The following ESRRG variants were observed in gnomAD, a reference collection of about 807,000 sequenced individuals.
ESRRG encodes the protein estrogen related receptor gamma, also known as estrogen-related receptor gamma.
Under a neutral mutation model 44.0 loss-of-function variants are expected in ESRRG, and 13 were observed. That is an observed-to-expected ratio of 0.30 (90% CI 0.19 to 0.47). The LOEUF (loss-of-function observed/expected upper bound fraction) is 0.47. Among genes scored for constraint, ESRRG ranks in the 20% least tolerant of loss-of-function variants. The pLI is 1.00. For synonymous variants in ESRRG, 215 were observed against 214.6 expected, an observed-to-expected ratio of 1.00 and a Z score of -0.02; for missense variants, 395 against 580.6, an observed-to-expected ratio of 0.68 and a Z score of 3.29.
chr1:216,966,356 A>G (rs1403849031), intron 1 of ESRRG, among the ~76,000 whole-genome samples: 1 of 152,206 alleles, frequency 6.6e-6, no homozygotes, highest in Non-Finnish European at 1.5e-5. Flanking sequence ...TATACGTATG[A>G]ATTCTGATAC....
rs2072959958 is a variant in ESRRG, at chr1:216,663,129, TTAAG to T, written c.473-12044_473-12041del. 2.6e-5 allele frequency among the ~76,000 whole-genome samples: 4 copies of T among 152,300 alleles called. No individual in the cohort carries two copies. The South Asian group carries it at 8.3e-4, about 32-fold the overall frequency. On this transcript the variant is annotated intron_variant, in intron 2 of 6. Coordinates refer to ENST00000408911, the MANE Select transcript of ESRRG (RefSeq NM_001438.4). ...AAGAATGAGTTGGAAAACTTTTACT[TTAAG>T]TATCACAAAATTTGAAATTGTTTTC...
chr1:216,941,446 A>G (rs541043684), intron 1 of ESRRG, among the ~76,000 whole-genome samples: 1 of 152,248 alleles, frequency 6.6e-6, no homozygotes, highest in East Asian at 1.9e-4. Context: ...TCATACTCCC[A>G]TTTCTGAAAT....
At chr1:216,813,476 G>C (rs1367964946) in intron 2 of ESRRG, among the ~76,000 whole-genome samples, 1 of 152,126 alleles carries the variant, frequency 6.6e-6, no homozygotes, top group Non-Finnish European at 1.5e-5. Context: ...AGAGGATATC[G>C]AATCTGTATA....
chr1:216,891,258 T>A (rs2057753373), intron 2 of ESRRG, among the ~76,000 whole-genome samples: 1 of 152,242 alleles, frequency 6.6e-6, no homozygotes, highest in Admixed American at 6.5e-5. Flanking sequence ...ATTCTCTTAA[T>A]CCTTTTCATC....
chr1:216,862,003 T>C (rs913767730), intron 2 of ESRRG, among the ~76,000 whole-genome samples: 1 of 152,098 alleles, frequency 6.6e-6, no homozygotes, highest in Non-Finnish European at 1.5e-5. Flanking sequence ...CTACTACACA[T>C]CTATTAGAAT....
intron 2 of ESRRG, among the ~76,000 whole-genome samples, chr1:216,788,543 G>A (rs574559372): frequency 6.6e-6 from 1 of 152,220 alleles, no homozygotes; most frequent in African/African-American, 2.4e-5. Context: ...TGGTCACCCA[G>A]GAGGTCTGAT....
intron 3 of ESRRG, among the ~76,000 whole-genome samples, chr1:216,635,094 G>A (rs2065027323): frequency 6.6e-6 from 1 of 151,910 alleles, no homozygotes; most frequent in Non-Finnish European, 1.5e-5. Context: ...GAGAACTGTA[G>A]TACAGGCACA....
chr1:216,961,940 G>A (rs2069188731), intron 1 of ESRRG, among the ~76,000 whole-genome samples: 1 of 151,948 alleles, frequency 6.6e-6, no homozygotes, highest in Admixed American at 6.6e-5. Flanking sequence ...CACTTTAAAG[G>A]AATTTCCCAC....
At chr1:216,943,914 G>A (rs1267179960) in intron 1 of ESRRG, among the ~76,000 whole-genome samples, 1 of 152,138 alleles carries the variant, frequency 6.6e-6, no homozygotes, top group Non-Finnish European at 1.5e-5. Context: ...GCTACTGGAT[G>A]CTGGGGAGAT....
rs1030547686 is a variant in ESRRG, at chr1:217,051,207, G to T, written c.-106+38300C>A. 2.4e-4 allele frequency among the ~76,000 whole-genome samples: 31 copies of T among 127,386 alleles called. 2 individuals carry two copies. The highest frequency in any genetic ancestry group is 4.3e-4 in the African/African-American group (15 of 35,284). The allele number at this position is 127,386 out of a possible 152,430, so 83.6% of individuals were successfully genotyped here. On this transcript the variant is annotated intron_variant, in intron 1 of 7. Coordinates refer to the ESRRG transcript ENST00000359162. Reference sequence around the variant, plus strand: ...CAGAAGGAGTGGATAATGGGGGCGGGGGGGGGGGGTGCCAGGGGAATTGTA... The same window carrying T: ...CAGAAGGAGTGGATAATGGGGGCGGTGGGGGGGGGTGCCAGGGGAATTGTA...
At chr1:216,552,930 C>A (rs1339225956) in intron 5 of ESRRG, among the ~76,000 whole-genome samples, 1 of 152,090 alleles carries the variant, frequency 6.6e-6, no homozygotes, top group African/African-American at 2.4e-5. Flanking sequence ...AGAAACAAAG[C>A]TGAAAAATCT....
chr1:216,582,473 G>A (rs11572747), intron 3 of ESRRG, among the ~76,000 whole-genome samples: 21,819 of 152,012 alleles, frequency 0.14, 2,058 homozygotes, highest in Non-Finnish European at 0.21. Context: ...ACAGAGTCTT[G>A]CTCTGTCACC....
chr1:216,584,400 G>A (rs913612851), intron 3 of ESRRG, among the ~76,000 whole-genome samples: 3 of 151,860 alleles, frequency 2.0e-5, no homozygotes, highest in Non-Finnish European at 2.9e-5. Context: ...GGGACTACAG[G>A]CGCCCGCCAC....
At chr1:216,823,969 T>C (rs2095346268) in intron 2 of ESRRG, among the ~76,000 whole-genome samples, 1 of 152,166 alleles carries the variant, frequency 6.6e-6, no homozygotes. Flanking sequence ...AGCTCTACAG[T>C]ACTTGAGGGC....
At chr1:216,897,374 C>A (rs2058549954) in intron 2 of ESRRG, among the ~76,000 whole-genome samples, 1 of 152,150 alleles carries the variant, frequency 6.6e-6, no homozygotes, top group South Asian at 2.1e-4. Context: ...AGTCCTGAGC[C>A]ACCCTGAGAG....
At chr1:216,911,205 A>G (rs2060260060) in intron 2 of ESRRG, among the ~76,000 whole-genome samples, 1 of 152,222 alleles carries the variant, frequency 6.6e-6, no homozygotes, top group Admixed American at 6.5e-5. Context: ...TTTAATTGCC[A>G]AAACTTGAAA....
intron 1 of ESRRG, among the ~76,000 whole-genome samples, chr1:217,099,804 G>T (rs2092480640): frequency 6.6e-6 from 1 of 152,160 alleles, no homozygotes; most frequent in Non-Finnish European, 1.5e-5. Context: ...GCTTTTCTCT[G>T]TAAAGGTCAA....
At chr1:216,887,816 G>A (rs2057237978) in intron 2 of ESRRG, among the ~76,000 whole-genome samples, 1 of 152,026 alleles carries the variant, frequency 6.6e-6, no homozygotes, top group African/African-American at 2.4e-5. Context: ...CATATAAAAA[G>A]GATAGAAAAC....
intron 5 of ESRRG, among the ~76,000 whole-genome samples, chr1:216,525,473 G>GA (rs766252397): frequency 4.0e-5 from 6 of 151,598 alleles, no homozygotes; most frequent in African/African-American, 7.3e-5. Context: ...CAAGAAGAAA[G>GA]AAAAAATGTG....
Sources: gnomAD v4.1 joint callset for allele counts (sites outside exome capture counted in the v4.1 genomes callset) on GRCh38, gnomAD v4.1.1 for gene constraint, MANE v1.5 for transcripts, NCBI Gene and HGNC (gene_info 2026-07-23, HGNC 2026-07-21) for gene names.